Variants in STARD10 observed in about 807,000 individuals in gnomAD.
STARD10 encodes the protein START domain-containing protein 10.
In STARD10, 24 loss-of-function variants were observed where a neutral mutation model predicts 36.0. The ratio of observed to expected loss-of-function variants is 0.67; its 90% CI spans 0.48 to 0.94. The LOEUF (loss-of-function observed/expected upper bound fraction) is 0.94, where lower values mean the gene tolerates loss of function less well. Among genes scored for constraint, STARD10 ranks in the 40% least tolerant of loss-of-function variants. The probability of loss-of-function intolerance (pLI) is 0.00; values close to 1 mark genes in which losing one functional copy is unlikely to be tolerated. For missense variants in STARD10, 335 were observed against 396.6 expected (o/e 0.84, Z 1.32); for synonymous variants, 156 against 161.9 (o/e 0.96, Z 0.28).
At chr11:72,780,240 C>T (rs926294546) in intron 2 of STARD10, 3 of 406,438 alleles carry the variant, frequency 7.4e-6, no homozygotes, top group Admixed American at 2.7e-5. Context: ...CTGCCCTGCA[C>T]GGCAAAGAGA....
chr11:72,755,165 G>C, intron 6 of STARD10, 23 bp from the exon 7 acceptor site: 1 of 1,599,708 alleles, frequency 6.3e-7, no homozygotes, highest in Non-Finnish European at 8.5e-7. Flanking sequence ...CGCCCCGCCG[G>C]GTCAGGGGGT....
chr11:72,781,149 T>C lies in STARD10; in HGVS notation c.33A>G (p.Gln11=). The change falls in exon 2 of 7, where the codon CAA becomes CAG. Residue 11 remains glutamine (Q), a synonymous_variant. Coordinates refer to ENST00000334805, the MANE Select transcript of STARD10 (RefSeq NM_006645.3). This position sits in a 1 kb window ranked among gnomAD's most constrained non-coding sequence, Gnocchi z 4.7. The part of the protein sequence containing the change: MEKLAASTEP[Q]GPRPVLGRES... ...CACGGCCCAGGACCGGCCGAGGCCC[T>C]TGGGGCTCTGTAGAGGCCGCCAGCT... 6 of 1,612,682 alleles carry C rather than the reference T, an allele frequency of 3.7e-6. No individual in the cohort carries two copies. The highest frequency in any genetic ancestry group is 5.1e-6 in the Non-Finnish European group (6 of 1,179,996).
intron 6 of STARD10, 113 bp from the exon 7 acceptor site, chr11:72,755,255 C>A: frequency 4.8e-6 from 6 of 1,249,216 alleles, no homozygotes; most frequent in Non-Finnish European, 6.5e-6. Context: ...TTCAAAACTT[C>A]ACTCCTCAGC....
chr11:72,781,273 G>T lies in STARD10; in HGVS notation c.-92C>A, dbSNP rs1858993285. ...CGACAACGTCGACGCGGCTGCAGAT[G>T]CTGACGCCACCTTCCTGGGACCTGC... On this transcript the variant is annotated 5_prime_UTR_variant, in exon 2 of 7. Coordinates refer to ENST00000334805, the MANE Select transcript of STARD10 (RefSeq NM_006645.3). This position sits in a 1 kb window ranked among gnomAD's most constrained non-coding sequence, Gnocchi z 4.7. 1.8e-6 allele frequency: 2 copies of T among 1,135,660 alleles called. No individual in the cohort carries two copies. Among genetic ancestry groups the T allele is most frequent in the Admixed American group, 4.2e-5 (2 of 47,722 alleles). 70.3% of individuals were successfully genotyped at this position (1,135,660 alleles called of 1,614,324 possible). A position where few individuals can be genotyped will look rare whatever the true frequency, so the allele number is the denominator to read the frequency against.
rs538540220 is a variant in STARD10, at chr11:72,770,649, T to C, written c.207+10326A>G. ...TGATGCTGAGTTAACCTGGGAACAC[T>C]CTGCGTTGTCTGGCAGGGCTTGCAG... is the stretch of plus-strand genomic sequence containing the variant. On this transcript the variant is annotated intron_variant, in intron 2 of 6. Transcript: ENST00000334805. Among the ~76,000 whole-genome samples, 13 of 152,284 alleles carry C rather than the reference T, an allele frequency of 8.5e-5. No individual in the cohort carries two copies. The South Asian group carries it at 2.7e-3, about 32-fold the overall frequency.
chr11:72,791,018 G>A (rs750834818), intron 1 of STARD10, among the ~76,000 whole-genome samples: 14 of 152,228 alleles, frequency 9.2e-5, no homozygotes, highest in Non-Finnish European at 2.1e-4. Context: ...GTTACTGAAT[G>A]CTTACCACGG....
chr11:72,754,806 G>C lies in STARD10; in HGVS notation c.*91C>G. 6 of 1,521,360 alleles carry C rather than the reference G, an allele frequency of 3.9e-6. No individual in the cohort carries two copies. Among genetic ancestry groups the C allele is most frequent in the Non-Finnish European group, 4.4e-6 (5 of 1,137,398 alleles). 94.2% of individuals were successfully genotyped at this position (1,521,360 alleles called of 1,614,324 possible). A position where few individuals can be genotyped will look rare whatever the true frequency, so the allele number is the denominator to read the frequency against. On this transcript the variant is annotated 3_prime_UTR_variant, in exon 7 of 7. Coordinates refer to ENST00000334805, the MANE Select transcript of STARD10 (RefSeq NM_006645.3). ...GCCTGGGCCTGGCCCGGTGCCACCAGGTGCCGGGTGGGGGAGGGGAGAAAG... is the reference window on the plus strand; with the variant it reads ...GCCTGGGCCTGGCCCGGTGCCACCACGTGCCGGGTGGGGGAGGGGAGAAAG...
At chr11:72,764,500 G>A (rs1184551379) in intron 2 of STARD10, among the ~76,000 whole-genome samples, 1 of 152,268 alleles carries the variant, frequency 6.6e-6, no homozygotes, top group Non-Finnish European at 1.5e-5. Flanking sequence ...GGCAGCGCAG[G>A]TGAAGAAACT....
chr11:72,757,621 T>C (rs974023861), intron 5 of STARD10, 146 bp downstream of exon 5: 4 of 698,654 alleles, frequency 5.7e-6, no homozygotes, highest in Non-Finnish European at 7.3e-6. Flanking sequence ...GTCCCAAGCC[T>C]TGGTTCAAGG....
intron 3 of STARD10, among the ~76,000 whole-genome samples, 181 bp from the exon 4 acceptor site, chr11:72,758,814 T>C (rs1209111353): frequency 6.6e-6 from 1 of 152,226 alleles, no homozygotes; most frequent in Non-Finnish European, 1.5e-5. Context: ...GGGCAAGACC[T>C]GTCCCTACTG....
chr11:72,755,793 C>T, intron 5 of STARD10, 40 bp from the exon 6 acceptor site: 1 of 1,572,238 alleles, frequency 6.4e-7, no homozygotes, highest in Non-Finnish European at 8.7e-7. Flanking sequence ...CTCAGGGACC[C>T]AGCCCCTCCG....
intron 2 of STARD10, among the ~76,000 whole-genome samples, chr11:72,762,959 G>T (rs79430446): frequency 0.15 from 22,155 of 152,148 alleles, 1,896 homozygotes; most frequent in South Asian, 0.2. Flanking sequence ...AGTATAAGAT[G>T]AGCATGGAAC....
rs928709695 is a variant in STARD10, at chr11:72,781,267, G to A, written c.-86C>T. 48 of 1,221,032 alleles carry A rather than the reference G, an allele frequency of 3.9e-5. 1 individual carries two copies. In the East Asian group the frequency reaches 1.1e-3, roughly 29 times the overall value. 75.6% of individuals were successfully genotyped at this position (1,221,032 alleles called of 1,614,324 possible). On this transcript the variant is annotated 5_prime_UTR_variant, in exon 2 of 7. Coordinates refer to ENST00000334805, the MANE Select transcript of STARD10 (RefSeq NM_006645.3). The surrounding 1 kb of genome is among the most constrained non-coding windows in gnomAD (Gnocchi z 4.7). ...AGGCTCCGACAACGTCGACGCGGCT[G>A]CAGATGCTGACGCCACCTTCCTGGG...
At chr11:72,779,179 C>G (rs1313297841) in intron 2 of STARD10, among the ~76,000 whole-genome samples, 1 of 152,252 alleles carries the variant, frequency 6.6e-6, no homozygotes, top group Non-Finnish European at 1.5e-5. Flanking sequence ...CACTTCTCCC[C>G]CAGTGTGCAC....
chr11:72,773,288 C>A (rs572278860), intron 2 of STARD10, among the ~76,000 whole-genome samples: 99 of 152,328 alleles, frequency 6.5e-4, no homozygotes, highest in African/African-American at 2.3e-3. Flanking sequence ...GGTGGCTGCA[C>A]CCCTCTTGGT....
rs1294133096 is a variant in STARD10 at position 72,781,125 on chromosome 11, A to AT, written c.56_57insA (p.Glu20Ter). On this transcript the variant is annotated frameshift_variant, in exon 2 of 7. Transcript: ENST00000334805. LOFTEE classifies it high-confidence loss of function. This position sits in a 1 kb window ranked among gnomAD's most constrained non-coding sequence, Gnocchi z 4.7. ...GGTCATCGGGCACCTGGACACTCTC[A>AT]CGGCCCAGGACCGGCCGAGGCCCTT... 6.2e-7 allele frequency: 1 copy of AT among 1,612,208 alleles called. No homozygotes were observed. The highest frequency in any genetic ancestry group is 1.1e-5 in the South Asian group (1 of 91,044).
intron 2 of STARD10, chr11:72,780,455 G>T: frequency 2.2e-6 from 1 of 446,478 alleles, no homozygotes. Context: ...AGGAGGCTAA[G>T]GGAGCAGCCA....
rs1451549914 is a variant in STARD10, at chr11:72,781,918, C to T, written c.-113-624G>A. ...GAAGCTGACGGATCTCCGAGCCCCG[C>T]CCCGCCCCACCCCGCAGGGTCCTAG... On this transcript the variant is annotated intron_variant, in intron 1 of 6. Transcript: ENST00000334805. This position sits in a 1 kb window ranked among gnomAD's most constrained non-coding sequence, Gnocchi z 4.7. 2 of 151,800 alleles carry T rather than the reference C, an allele frequency of 1.3e-5. No individual in the cohort carries two copies. Among genetic ancestry groups the T allele is most frequent in the African/African-American group, 4.8e-5 (2 of 41,384 alleles). 9.4% of individuals were successfully genotyped at this position (151,800 alleles called of 1,614,324 possible).
At position 72,766,882 on chromosome 11, in the gene STARD10, C is replaced by T. The variant is rs140378111; in HGVS notation, c.208-7501G>A. Among the ~76,000 whole-genome samples, 131 of 152,342 alleles carry T rather than the reference C, an allele frequency of 8.6e-4. 1 individual carries two copies. Among genetic ancestry groups the T allele is most frequent in the African/African-American group, 2.9e-3 (121 of 41,574 alleles). On this transcript the variant is annotated intron_variant, in intron 2 of 6. Coordinates refer to ENST00000334805, the MANE Select transcript of STARD10 (RefSeq NM_006645.3). ...CCCTCCAAGACCTTACACAGCAGGA[C>T]GCCAGTATCCTTGCCCATGGGATAT...
Sources: allele counts gnomAD v4.1 joint callset (sites outside exome capture counted in the v4.1 genomes callset), GRCh38; gene constraint gnomAD v4.1.1; non-coding constraint Gnocchi (gnomAD v3.1); transcripts MANE v1.5; gene names NCBI Gene and HGNC (gene_info 2026-07-23, HGNC 2026-07-21).